The following LUZP2 variants were observed in gnomAD, a reference collection of about 807,000 sequenced individuals.
LUZP2 encodes leucine zipper protein 2.
A neutral mutation model predicts 51.6 loss-of-function variants in LUZP2; 52 were observed. The observed-to-expected ratio is 1.01, with a 90% CI of 0.81 to 1.27. LUZP2 has a LOEUF of 1.27. LUZP2 is among the 50% of genes most tolerant of loss of function. The pLI is 0.00. For synonymous variants in LUZP2, 154 were observed against 137.3 expected (o/e 1.12, Z -0.85); for missense variants, 436 against 395.4 (o/e 1.10, Z -0.87).
chr11:24,887,660 A>G (rs1426049439), intron 5 of LUZP2, among the ~76,000 whole-genome samples: 1 of 152,222 alleles, frequency 6.6e-6, no homozygotes, highest in East Asian at 1.9e-4. Flanking sequence ...CTTGTATTCA[A>G]AATGGATGCA....
chr11:24,963,807 G>C (rs1042016864), intron 7 of LUZP2, among the ~76,000 whole-genome samples: 27 of 152,262 alleles, frequency 1.8e-4, no homozygotes, highest in Non-Finnish European at 7.4e-5. Flanking sequence ...TCCCTAGTGA[G>C]ATGAACCCGG....
chr11:25,028,202 G>A (rs11028361), intron 9 of LUZP2, among the ~76,000 whole-genome samples: 86,986 of 152,012 alleles, frequency 0.57, 26,200 homozygotes, highest in African/African-American at 0.75. Flanking sequence ...CTTTCTTTGT[G>A]TTAATAAACA....
At chr11:24,910,316 TGAGGA>T (rs1853585954) in intron 6 of LUZP2, among the ~76,000 whole-genome samples, 1 of 152,050 alleles carries the variant, frequency 6.6e-6, no homozygotes, top group Non-Finnish European at 1.5e-5. Flanking sequence ...GCATAAGTAA[TGAGGA>T]GCCCAATGTT....
intron 1 of LUZP2, among the ~76,000 whole-genome samples, chr11:24,719,328 A>G (rs1342508532): frequency 6.6e-6 from 1 of 152,222 alleles, no homozygotes; most frequent in Admixed American, 6.5e-5. Flanking sequence ...GATTGAGCAA[A>G]TGTTTATCTT....
chr11:24,566,493 T>C (rs1852223277), intron 1 of LUZP2, among the ~76,000 whole-genome samples: 1 of 148,926 alleles, frequency 6.7e-6, no homozygotes, highest in East Asian at 2.0e-4. Flanking sequence ...CATGCCCAGA[T>C]AATTTAATTT....
chr11:24,995,996 T>A (rs922381719), intron 9 of LUZP2, among the ~76,000 whole-genome samples: 96 of 151,550 alleles, frequency 6.3e-4, no homozygotes, highest in African/African-American at 2.3e-3. Context: ...ATTGTTAATG[T>A]TATATTCTTC....
chr11:24,628,421 G>C (rs1212827246), intron 1 of LUZP2, among the ~76,000 whole-genome samples: 1 of 152,086 alleles, frequency 6.6e-6, no homozygotes. Flanking sequence ...ACAGATCTAA[G>C]ACTTCAAATG....
intron 5 of LUZP2, among the ~76,000 whole-genome samples, chr11:24,777,279 C>A (rs1848960827): frequency 6.6e-6 from 1 of 152,040 alleles, no homozygotes; most frequent in South Asian, 2.1e-4. Flanking sequence ...AGGCTTGAGC[C>A]ACCGCGCCCG....
chr11:24,860,720 T>C (rs182135381), intron 5 of LUZP2, among the ~76,000 whole-genome samples: 4 of 152,040 alleles, frequency 2.6e-5, no homozygotes, highest in East Asian at 3.9e-4. Flanking sequence ...GACCTGACTA[T>C]TGAAAGAAAG....
chr11:24,872,702 A>C (rs1176423124), intron 5 of LUZP2, among the ~76,000 whole-genome samples: 1 of 152,102 alleles, frequency 6.6e-6, no homozygotes, highest in Non-Finnish European at 1.5e-5. Context: ...TTTAGTTTAA[A>C]TTCCAGTATC....
intron 1 of LUZP2, among the ~76,000 whole-genome samples, chr11:24,507,972 T>C (rs894808419): frequency 8.6e-5 from 13 of 150,924 alleles, no homozygotes; most frequent in African/African-American, 3.1e-4. Flanking sequence ...AAACTCAAAA[T>C]ATAAATAATA....
chr11:24,670,214 C>T (rs1415056226), intron 1 of LUZP2, among the ~76,000 whole-genome samples: 1 of 151,990 alleles, frequency 6.6e-6, no homozygotes, highest in Non-Finnish European at 1.5e-5. Context: ...CAAGTTGCAG[C>T]TCTGGTATTG....
chr11:24,712,648 T>C (rs1370463340), intron 1 of LUZP2, among the ~76,000 whole-genome samples: 1 of 152,130 alleles, frequency 6.6e-6, no homozygotes, highest in Non-Finnish European at 1.5e-5. Context: ...GGTTAATGAC[T>C]TAGCAAGATT....
In LUZP2 at chr11:24,533,216, G is replaced by A. The variant is rs186482246; in HGVS notation, c.62+35911G>A. 3.6e-3 allele frequency among the ~76,000 whole-genome samples: 551 copies of A among 151,316 alleles called. 1 individual carries two copies. The highest frequency in any genetic ancestry group is 8.0e-3 in the Admixed American group (121 of 15,124). ...AAGATCTTTCCCTCTGGCTTTGCCA[G>A]GTTGTTAATTGTCTTTTAAGAAGCT... On this transcript the variant is annotated intron_variant, in intron 1 of 11. Transcript: ENST00000336930.
At chr11:24,842,779 T>TTA (rs1463826222) in intron 5 of LUZP2, among the ~76,000 whole-genome samples, 7 of 152,064 alleles carry the variant, frequency 4.6e-5, no homozygotes, top group African/African-American at 1.7e-4. Flanking sequence ...TATAATGTAG[T>TTA]TATAATAACA....
chr11:24,855,672 C>T (rs1037024933), intron 5 of LUZP2, among the ~76,000 whole-genome samples: 1 of 152,076 alleles, frequency 6.6e-6, no homozygotes, highest in African/African-American at 2.4e-5. Context: ...CAATCCTAAA[C>T]AAGAAGAACA....
Position 24,926,408 on chromosome 11 carries a change from CGT to C in LUZP2, c.522+11875_522+11876del, listed in dbSNP as rs1221132295. 5.4e-3 allele frequency among the ~76,000 whole-genome samples: 285 copies of C among 53,064 alleles called. 3 individuals carry two copies. Among genetic ancestry groups the C allele is most frequent in the Non-Finnish European group, 7.0e-3 (178 of 25,440 alleles). 34.8% of individuals were successfully genotyped at this position (53,064 alleles called of 152,430 possible). A position where few individuals can be genotyped will look rare whatever the true frequency, so the allele number is the denominator to read the frequency against. ...ATATATACGTGTGTATATATATATACGTGTGTATATATATGTGTGTATATATA... is the reference window on the plus strand; with the variant it reads ...ATATATACGTGTGTATATATATATACGTGTATATATATGTGTGTATATATA... On this transcript the variant is annotated intron_variant, in intron 7 of 11. Coordinates refer to ENST00000336930, the MANE Select transcript of LUZP2 (RefSeq NM_001009909.4).
chr11:24,667,176 CT>C (rs1296726092), intron 1 of LUZP2, among the ~76,000 whole-genome samples: 4 of 136,964 alleles, frequency 2.9e-5, no homozygotes, highest in Admixed American at 2.2e-4. Flanking sequence ...TATACATTTT[CT>C]TTTTTTCTTT....
chr11:24,642,335 T>G (rs1454812416), intron 1 of LUZP2, among the ~76,000 whole-genome samples: 8 of 151,840 alleles, frequency 5.3e-5, no homozygotes, highest in Non-Finnish European at 1.2e-4. Context: ...ATATTAAGGT[T>G]AACTCTTTAC....
Sources: allele counts gnomAD v4.1 joint callset (sites outside exome capture counted in the v4.1 genomes callset), GRCh38; gene constraint gnomAD v4.1.1; transcripts MANE v1.5; gene names NCBI Gene and HGNC (gene_info 2026-07-23, HGNC 2026-07-21).